The following TMCC3 variants were observed in gnomAD, a reference collection of about 807,000 sequenced individuals.
TMCC3 encodes the protein transmembrane and coiled-coil domain protein 3.
Under a neutral mutation model 40.2 loss-of-function variants are expected in TMCC3, and 28 were observed. The ratio of observed to expected loss-of-function variants is 0.70; its 90% CI spans 0.52 to 0.95. The LOEUF (loss-of-function observed/expected upper bound fraction) is 0.95, where lower values mean the gene tolerates loss of function less well. TMCC3 is among the 40% of genes least tolerant of loss of function. TMCC3 has a pLI of 0.00. For missense variants in TMCC3, 554 were observed against 615.2 expected, an observed-to-expected ratio of 0.90 and a Z score of 1.05; for synonymous variants, 255 against 248.5, an observed-to-expected ratio of 1.03 and a Z score of -0.25.
In TMCC3 at chr12:94,650,471, G is replaced by C. The variant is rs1376021604; in HGVS notation, c.-41C>G. The C allele has an allele frequency of 1.6e-6, 2 of 1,238,998 alleles. No individual in the cohort carries two copies. The highest frequency in any genetic ancestry group is 1.0e-6 in the Non-Finnish European group (1 of 986,874). The allele number at this position is 1,238,998 out of a possible 1,614,324, so 76.8% of individuals were successfully genotyped here. On this transcript the variant is annotated 5_prime_UTR_variant, in exon 1 of 4. Transcript: ENST00000261226. ...GCGAACTTTCCCGTCTTCTGGGGCT[G>C]CCGCGCCGCGAGCCACCGGCTGTGC... is the stretch of plus-strand genomic sequence containing the variant.
chr12:94,640,032 G>A (rs2068981217), intron 1 of TMCC3, among the ~76,000 whole-genome samples: 1 of 152,166 alleles, frequency 6.6e-6, no homozygotes, highest in Admixed American at 6.5e-5. Context: ...ATTATTTTAG[G>A]TGACATAAGA....
chr12:94,630,697 C>T (rs551787813), intron 1 of TMCC3, among the ~76,000 whole-genome samples: 8 of 151,988 alleles, frequency 5.3e-5, no homozygotes, highest in African/African-American at 9.7e-5. Flanking sequence ...GTACTTTCTG[C>T]GTATATCTTG....
chr12:94,574,744 T>C (rs1304985732), intron 3 of TMCC3, among the ~76,000 whole-genome samples: 6 of 152,234 alleles, frequency 3.9e-5, no homozygotes. Flanking sequence ...CTAGAAATCA[T>C]GTGTTCTTTT....
chr12:94,650,303 T>A (rs2069048807), intron 1 of TMCC3, 50 bp downstream of exon 1: 1 of 1,153,784 alleles, frequency 8.7e-7, no homozygotes, highest in Admixed American at 4.6e-5. Flanking sequence ...CCAGCCCGCC[T>A]CGCCCCCGGG....
chr12:94,606,562 C>T (rs928511345), intron 1 of TMCC3, among the ~76,000 whole-genome samples: 2 of 151,734 alleles, frequency 1.3e-5, no homozygotes, highest in Middle Eastern at 3.4e-3. Flanking sequence ...AGATGGGTAT[C>T]GGGGGAACCA....
intron 3 of TMCC3, among the ~76,000 whole-genome samples, chr12:94,576,866 T>C (rs2068568221): frequency 6.6e-6 from 1 of 152,160 alleles, no homozygotes; most frequent in Admixed American, 6.5e-5. Flanking sequence ...GAGCACAACT[T>C]TGTTTATATT....
rs1366712668 is a variant in TMCC3, at chr12:94,605,437, T to TTGCAAC, written c.79-22900_79-22899insGTTGCA. Reference sequence around the variant, plus strand: ...TCTGTGTAATTGGTCATGACATGCGTATACACTTGTTGCATACCAACATTA... The same window carrying TTGCAAC: ...TCTGTGTAATTGGTCATGACATGCGTTGCAACATACACTTGTTGCATACCAACATTA... On this transcript the variant is annotated intron_variant, in intron 1 of 3. Transcript: ENST00000261226. 1.7e-4 allele frequency among the ~76,000 whole-genome samples: 26 copies of TTGCAAC among 152,344 alleles called. No homozygotes were observed. In the South Asian group the frequency reaches 4.6e-3, roughly 27 times the overall value.
intron 1 of TMCC3, among the ~76,000 whole-genome samples, chr12:94,597,595 A>C (rs2068726491): frequency 6.6e-6 from 1 of 152,152 alleles, no homozygotes; most frequent in Non-Finnish European, 1.5e-5. Context: ...ACCTGAGGTC[A>C]GGAGTTCGAG....
intron 1 of TMCC3, among the ~76,000 whole-genome samples, chr12:94,609,364 T>C (rs1217300779): frequency 2.0e-5 from 3 of 152,208 alleles, no homozygotes; most frequent in Non-Finnish European, 4.4e-5. Context: ...GGCATCCTCA[T>C]CCCCAGCTCC....
intron 1 of TMCC3, among the ~76,000 whole-genome samples, chr12:94,606,026 C>A (rs955157279): frequency 6.7e-6 from 1 of 148,998 alleles, no homozygotes; most frequent in East Asian, 2.0e-4. Context: ...AACAAACAAA[C>A]AAAAAAACAA....
intron 1 of TMCC3, among the ~76,000 whole-genome samples, chr12:94,642,678 T>C (rs1167388332): frequency 6.6e-6 from 1 of 152,244 alleles, no homozygotes; most frequent in Non-Finnish European, 1.5e-5. Flanking sequence ...CTCTGCTCAA[T>C]TGCAGCTCCT....
intron 1 of TMCC3, among the ~76,000 whole-genome samples, chr12:94,597,001 C>T (rs942629712): frequency 1.3e-5 from 2 of 151,804 alleles, no homozygotes; most frequent in African/African-American, 2.4e-5. Context: ...TAAATATTGC[C>T]AGCCATGGTG....
intron 1 of TMCC3, among the ~76,000 whole-genome samples, chr12:94,585,312 G>A (rs539754887): frequency 6.6e-6 from 1 of 152,224 alleles, no homozygotes; most frequent in South Asian, 2.1e-4. Flanking sequence ...GAATGTATAT[G>A]AATTTTCTAT....
intron 1 of TMCC3, among the ~76,000 whole-genome samples, chr12:94,614,686 T>TA (rs1405398923): frequency 6.6e-6 from 1 of 152,196 alleles, no homozygotes; most frequent in Non-Finnish European, 1.5e-5. Context: ...CTCACAGTGT[T>TA]ACGAGGCTAT....
intron 3 of TMCC3, among the ~76,000 whole-genome samples, chr12:94,573,103 C>T (rs945599549): frequency 2.0e-5 from 3 of 152,152 alleles, no homozygotes; most frequent in East Asian, 1.9e-4. Context: ...TTGCAGCTAC[C>T]CAACACCTGC....
chr12:94,588,309 A>G (rs2068650264), intron 1 of TMCC3, among the ~76,000 whole-genome samples: 1 of 152,090 alleles, frequency 6.6e-6, no homozygotes, highest in Non-Finnish European at 1.5e-5. Flanking sequence ...CCCCCAGCAA[A>G]CAGAACCAGA....
At position 94,581,613 on chromosome 12, in the gene TMCC3, T is replaced by C; in HGVS notation, c.995+9A>G. On this transcript the variant is annotated intron_variant, in intron 2 of 3. Coordinates refer to ENST00000261226, the MANE Select transcript of TMCC3 (RefSeq NM_020698.4). ...ATAAAAAACACGCCAATGGAATACT[T>C]TGAAATACCTGTATCTTTCCTCTTG... 1 of 1,376,726 alleles carries C rather than the reference T, an allele frequency of 7.3e-7. No individual in the cohort carries two copies. Among genetic ancestry groups the C allele is most frequent in the South Asian group, 2.1e-5 (1 of 47,332 alleles). 85.3% of individuals were successfully genotyped at this position (1,376,726 alleles called of 1,614,324 possible). A position where few individuals can be genotyped will look rare whatever the true frequency, so the allele number is the denominator to read the frequency against.
intron 1 of TMCC3, among the ~76,000 whole-genome samples, chr12:94,617,648 A>G (rs1309526448): frequency 6.6e-6 from 1 of 152,250 alleles, no homozygotes; most frequent in African/African-American, 2.4e-5. Context: ...GCCACAAGTC[A>G]TATGAAAAAC....
At chr12:94,575,159 A>G (rs2068556202) in intron 3 of TMCC3, among the ~76,000 whole-genome samples, 1 of 152,244 alleles carries the variant, frequency 6.6e-6, no homozygotes, top group Non-Finnish European at 1.5e-5. Context: ...CCTGCAGGCA[A>G]CAGCCTCCCT....
Sources: allele counts gnomAD v4.1 joint callset (sites outside exome capture counted in the v4.1 genomes callset), GRCh38; gene constraint gnomAD v4.1.1; transcripts MANE v1.5; gene names NCBI Gene and HGNC (gene_info 2026-07-23, HGNC 2026-07-21).